The following DNER variants were observed in gnomAD, a reference collection of about 807,000 sequenced individuals.
The protein encoded by DNER is delta/notch like EGF repeat containing.
Under a neutral mutation model 78.2 loss-of-function variants are expected in DNER, and 33 were observed. That is an observed-to-expected ratio of 0.42 (90% CI 0.32 to 0.56). The LOEUF is 0.56. Among genes scored for constraint, DNER ranks in the 20% least tolerant of loss-of-function variants. DNER has a pLI of 0.11. For synonymous variants in DNER, 417 were observed against 384.8 expected, an observed-to-expected ratio of 1.08 and a Z score of -0.98; for missense variants, 918 against 975.3, an observed-to-expected ratio of 0.94 and a Z score of 0.78.
chr2:229,410,118 C>T (rs1288529500), intron 9 of DNER, among the ~76,000 whole-genome samples: 1 of 152,150 alleles, frequency 6.6e-6, no homozygotes, highest in East Asian at 1.9e-4. Context: ...ACCCTTCCCC[C>T]AACCTGATCT....
chr2:229,595,955 T>C (rs1173837422), intron 1 of DNER, among the ~76,000 whole-genome samples: 2 of 151,742 alleles, frequency 1.3e-5, no homozygotes, highest in Non-Finnish European at 2.9e-5. Context: ...GTATATTGCA[T>C]GATGCTGACG....
chr2:229,417,652 A>G (rs570016043), intron 9 of DNER, among the ~76,000 whole-genome samples: 1 of 152,132 alleles, frequency 6.6e-6, no homozygotes, highest in South Asian at 2.1e-4. Context: ...CACTCTGTCA[A>G]TGTCGCCTGT....
intron 5 of DNER, among the ~76,000 whole-genome samples, chr2:229,535,152 C>T (rs1235378876): frequency 6.6e-6 from 1 of 152,120 alleles, no homozygotes; most frequent in Non-Finnish European, 1.5e-5. Flanking sequence ...TTTAATTCCT[C>T]AGTTTTAATT....
intron 12 of DNER, 63 bp downstream of exon 12, chr2:229,366,810 T>C: frequency 6.2e-7 from 1 of 1,601,912 alleles, no homozygotes; most frequent in Non-Finnish European, 8.5e-7. Flanking sequence ...GTGTATAATA[T>C]GACCCTGTTC....
At chr2:229,630,521 T>TAATAATAAA (rs938006155) in intron 1 of DNER, among the ~76,000 whole-genome samples, 64 of 142,926 alleles carry the variant, frequency 4.5e-4, no homozygotes, top group Non-Finnish European at 5.3e-4. Flanking sequence ...ATAATAATAA[T>TAATAATAAA]AAAATCTTCT....
intron 5 of DNER, among the ~76,000 whole-genome samples, chr2:229,535,534 A>G (rs149707829): frequency 8.4e-4 from 128 of 152,316 alleles, no homozygotes; most frequent in African/African-American, 2.9e-3. Flanking sequence ...GGTGCTTCGA[A>G]AAAGTGCTAC....
At chr2:229,445,414 A>C (rs1212736480) in intron 8 of DNER, among the ~76,000 whole-genome samples, 1 of 152,220 alleles carries the variant, frequency 6.6e-6, no homozygotes, top group Non-Finnish European at 1.5e-5. Flanking sequence ...GGTTTATGAG[A>C]TCCAAAAATG....
intron 8 of DNER, among the ~76,000 whole-genome samples, chr2:229,421,493 A>G (rs1693762524): frequency 6.7e-6 from 1 of 150,102 alleles, no homozygotes; most frequent in South Asian, 2.1e-4. Flanking sequence ...ACTATTATAT[A>G]CAGATATATA....
intron 6 of DNER, among the ~76,000 whole-genome samples, chr2:229,509,466 C>T (rs1026827193): frequency 3.9e-5 from 6 of 152,224 alleles, no homozygotes; most frequent in African/African-American, 1.4e-4. Context: ...GGAATACAAT[C>T]ATGAACAAAA....
intron 1 of DNER, among the ~76,000 whole-genome samples, chr2:229,596,371 C>A (rs1424010400): frequency 6.6e-6 from 1 of 152,236 alleles, no homozygotes; most frequent in Non-Finnish European, 1.5e-5. Context: ...AACTTTAAAT[C>A]TGCTTTAAAA....
At chr2:229,531,972 G>C (rs1307002367) in intron 5 of DNER, among the ~76,000 whole-genome samples, 2 of 152,148 alleles carry the variant, frequency 1.3e-5, no homozygotes, top group African/African-American at 4.8e-5. Flanking sequence ...ACAGAATGCA[G>C]ATTGGTGGTT....
chr2:229,694,498 C>A (rs551177498), intron 1 of DNER, among the ~76,000 whole-genome samples: 1 of 152,258 alleles, frequency 6.6e-6, no homozygotes, highest in Admixed American at 6.5e-5. Flanking sequence ...GGGGGCTATA[C>A]CCTGCAAAGT....
At chr2:229,558,968 A>G (rs1425487625) in intron 4 of DNER, among the ~76,000 whole-genome samples, 1 of 152,202 alleles carries the variant, frequency 6.6e-6, no homozygotes, top group African/African-American at 2.4e-5. Flanking sequence ...AGTTTTAAGC[A>G]GGGGAATAAC....
intron 8 of DNER, among the ~76,000 whole-genome samples, chr2:229,434,110 AC>A (rs1416363479): frequency 2.0e-5 from 3 of 152,304 alleles, no homozygotes; most frequent in Non-Finnish European, 4.4e-5. Flanking sequence ...GTGATGGAAA[AC>A]AAAATACTGT....
intron 6 of DNER, among the ~76,000 whole-genome samples, chr2:229,485,125 TTTGAAGAACAC>T (rs1695244438): frequency 6.6e-6 from 1 of 152,230 alleles, no homozygotes; most frequent in Non-Finnish European, 1.5e-5. Context: ...TTATTGTTTC[TTTGAAGAACAC>T]TGCAGTACAA....
intron 6 of DNER, among the ~76,000 whole-genome samples, chr2:229,489,526 G>T (rs1559146809): frequency 7.0e-6 from 1 of 142,192 alleles, no homozygotes; most frequent in Non-Finnish European, 1.6e-5. Context: ...AAGGAAGGTG[G>T]TGAGGAGGAG....
At chr2:229,387,471 A>G (rs1446951839) in intron 11 of DNER, among the ~76,000 whole-genome samples, 1 of 147,878 alleles carries the variant, frequency 6.8e-6, no homozygotes, top group African/African-American at 2.5e-5. Flanking sequence ...AACTTAAAGT[A>G]TAATAGAAAG....
chr2:229,583,612 TGATACTTTA>T lies in DNER; in HGVS notation c.847+2237_847+2245del, dbSNP rs1346807775. 9.8e-5 allele frequency among the ~76,000 whole-genome samples: 15 copies of T among 152,372 alleles called. No homozygotes were observed. The East Asian group carries it at 2.7e-3, about 27-fold the overall frequency. ...ACGTTAAGGACATTTTAAAGAGTAGTGATACTTTATATGTTTTCTTGAAATATTAGCTCC... is the reference window on the plus strand; with the variant it reads ...ACGTTAAGGACATTTTAAAGAGTAGTTATGTTTTCTTGAAATATTAGCTCC... On this transcript the variant is annotated intron_variant, in intron 4 of 12. Coordinates refer to ENST00000341772, the MANE Select transcript of DNER (RefSeq NM_139072.4).
chr2:229,387,527 G>GA (rs1207628107), intron 11 of DNER, among the ~76,000 whole-genome samples: 11 of 126,600 alleles, frequency 8.7e-5, no homozygotes, highest in Admixed American at 5.7e-4. Flanking sequence ...AAGAAAGAAA[G>GA]AAAGAAAGAA....
Sources: allele counts gnomAD v4.1 joint callset (sites outside exome capture counted in the v4.1 genomes callset), GRCh38; gene constraint gnomAD v4.1.1; transcripts MANE v1.5; gene names NCBI Gene and HGNC (gene_info 2026-07-23, HGNC 2026-07-21).